Variants in LRFN5 observed in about 807,000 individuals in gnomAD.
LRFN5 encodes the protein leucine-rich repeat and fibronectin type-III domain-containing protein 5.
A neutral mutation model predicts 45.6 loss-of-function variants in LRFN5; 24 were observed. The ratio of observed to expected loss-of-function variants is 0.53; its 90% CI spans 0.38 to 0.74. LRFN5 has a LOEUF of 0.74. LRFN5 is among the 30% of genes least tolerant of loss of function. The probability of loss-of-function intolerance (pLI) is 0.00; values close to 1 mark genes in which losing one functional copy is unlikely to be tolerated. For missense variants in LRFN5, 776 were observed against 861.5 expected, an observed-to-expected ratio of 0.90 and a Z score of 1.24; for synonymous variants, 340 against 313.8, an observed-to-expected ratio of 1.08 and a Z score of -0.88.
At position 41,728,393 on chromosome 14, in the gene LRFN5, T is replaced by A. The variant is rs147678148; in HGVS notation, c.-196-38461T>A. 9.9e-3 allele frequency among the ~76,000 whole-genome samples: 1,504 copies of A among 152,274 alleles called. 8 individuals are homozygous for A. The highest frequency in any genetic ancestry group is 0.015 in the East Asian group (79 of 5,162). ...GTCTGAGCCTCCTATAGATAGATCA[T>A]CTTAATGAGTCCAAAGACTCTCAAG... On this transcript the variant is annotated intron_variant, in intron 1 of 5. Transcript: ENST00000298119.
At chr14:41,776,003 A>G (rs1385869533) in intron 2 of LRFN5, among the ~76,000 whole-genome samples, 1 of 152,188 alleles carries the variant, frequency 6.6e-6, no homozygotes, top group Non-Finnish European at 1.5e-5. Flanking sequence ...GTTATATGCA[A>G]ACACTCCAGT....
intron 1 of LRFN5, among the ~76,000 whole-genome samples, chr14:41,721,245 C>T (rs183965261): frequency 6.6e-6 from 1 of 152,184 alleles, no homozygotes; most frequent in East Asian, 1.9e-4. Flanking sequence ...CAACCCTTTA[C>T]TTTGAACCTA....
rs1890587844 is a variant in LRFN5 at position 41,886,796 on chromosome 14, G to A, written c.171G>A (p.Arg57=). The A allele has an allele frequency of 6.2e-7, 1 of 1,614,100 alleles. No homozygotes were observed. The highest frequency in any genetic ancestry group is 8.5e-7 in the Non-Finnish European group (1 of 1,180,002). ...TTGACAGAAGAACTGTGGAACTGCG[G>A]TTGGCAGACAATTTTGTTACAAATA... ...PNIDRRTVEL[R]LADNFVTNIK... The change falls in exon 3 of 6, where the codon CGG becomes CGA. Residue 57 remains arginine, a synonymous_variant. Coordinates refer to ENST00000298119, the MANE Select transcript of LRFN5 (RefSeq NM_152447.5).
chr14:41,811,943 T>A (rs1887751232), intron 2 of LRFN5, among the ~76,000 whole-genome samples: 1 of 152,136 alleles, frequency 6.6e-6, no homozygotes, highest in Non-Finnish European at 1.5e-5. Context: ...TATATTTCAA[T>A]AAATCTATTT....
chr14:41,893,588 T>C, intron 4 of LRFN5: 2 of 985,322 alleles, frequency 2.0e-6, no homozygotes, highest in Non-Finnish European at 2.4e-6. Context: ...AAGACACAAG[T>C]GAGGAATGTG....
At chr14:41,708,880 T>C (rs1883173387) in intron 1 of LRFN5, among the ~76,000 whole-genome samples, 1 of 152,000 alleles carries the variant, frequency 6.6e-6, no homozygotes, top group South Asian at 2.1e-4. Context: ...GTACATTGTG[T>C]CTGGTTTATC....
At chr14:41,670,496 T>G (rs1881153578) in intron 1 of LRFN5, among the ~76,000 whole-genome samples, 1 of 151,282 alleles carries the variant, frequency 6.6e-6, no homozygotes, top group Admixed American at 6.6e-5. Context: ...GAATGCTTAA[T>G]TAGGAAAATA....
chr14:41,757,222 G>C (rs1427846963), intron 1 of LRFN5, among the ~76,000 whole-genome samples: 1 of 152,192 alleles, frequency 6.6e-6, no homozygotes, highest in Non-Finnish European at 1.5e-5. Flanking sequence ...ACTTGAGGAG[G>C]CAGTCTGTTT....
chr14:41,835,595 A>T (rs1207175657), intron 2 of LRFN5, among the ~76,000 whole-genome samples: 1 of 152,152 alleles, frequency 6.6e-6, no homozygotes, highest in Non-Finnish European at 1.5e-5. Context: ...GCATGGTGGC[A>T]TGCACCCACA....
At chr14:41,661,160 T>C (rs1363285295) in intron 1 of LRFN5, among the ~76,000 whole-genome samples, 2 of 151,810 alleles carry the variant, frequency 1.3e-5, no homozygotes, top group African/African-American at 4.8e-5. Flanking sequence ...GACAACTTGT[T>C]TCTAATCCCT....
chr14:41,670,296 T>C (rs1478916528), intron 1 of LRFN5, among the ~76,000 whole-genome samples: 8 of 52,684 alleles, frequency 1.5e-4, no homozygotes, highest in African/African-American at 6.5e-4. Context: ...TATATATATA[T>C]ATATATATAC....
intron 2 of LRFN5, among the ~76,000 whole-genome samples, chr14:41,850,296 T>C (rs2139073577): frequency 6.6e-6 from 1 of 151,972 alleles, no homozygotes; most frequent in East Asian, 1.9e-4. Flanking sequence ...TAATGAGTGA[T>C]TAATAAAAGT....
At chr14:41,798,814 G>T (rs1423718288) in intron 2 of LRFN5, among the ~76,000 whole-genome samples, 1 of 151,692 alleles carries the variant, frequency 6.6e-6, no homozygotes, top group African/African-American at 2.4e-5. Context: ...CACTTTTCAC[G>T]TAATCACACA....
intron 1 of LRFN5, among the ~76,000 whole-genome samples, chr14:41,719,968 C>T (rs1883648463): frequency 6.6e-6 from 1 of 151,876 alleles, no homozygotes; most frequent in Non-Finnish European, 1.5e-5. Flanking sequence ...TACTGATTTA[C>T]TTAATAATTT....
At chr14:41,726,898 T>C (rs1178045903) in intron 1 of LRFN5, among the ~76,000 whole-genome samples, 7 of 152,216 alleles carry the variant, frequency 4.6e-5, no homozygotes, top group Non-Finnish European at 8.8e-5. Flanking sequence ...AAGGCTGTAA[T>C]TGTATGTATA....
At chr14:41,755,364 G>T (rs1238713742) in intron 1 of LRFN5, among the ~76,000 whole-genome samples, 5 of 152,110 alleles carry the variant, frequency 3.3e-5, no homozygotes, top group Non-Finnish European at 7.4e-5. Context: ...TGACAGTGGG[G>T]TGTTAAAGTC....
rs180904178 is a variant in LRFN5 at position 41,797,089 on chromosome 14, A to G, written c.-21+30060A>G. On this transcript the variant is annotated intron_variant, in intron 2 of 5. Transcript: ENST00000298119. ...TTTTAATCTACCAAATCTTAAATGT[A>G]TATTAATCAACAGTGTCAAATATTT... 8.6e-5 allele frequency among the ~76,000 whole-genome samples: 13 copies of G among 152,032 alleles called. No homozygotes were observed. In the East Asian group the frequency reaches 2.1e-3, roughly 25 times the overall value.
intron 2 of LRFN5, among the ~76,000 whole-genome samples, chr14:41,805,422 A>ATTTATTTAT (rs200137734): frequency 4.2e-5 from 6 of 141,316 alleles, no homozygotes; most frequent in East Asian, 2.3e-4. Context: ...TTATTTATTT[A>ATTTATTTAT]TTATTATTAT....
chr14:41,778,736 G>T (rs1346009779), intron 2 of LRFN5, among the ~76,000 whole-genome samples: 1 of 151,742 alleles, frequency 6.6e-6, no homozygotes, highest in Non-Finnish European at 1.5e-5. Context: ...AAAGCTAAAA[G>T]TTGTATAATG....
Sources: allele counts gnomAD v4.1 joint callset (sites outside exome capture counted in the v4.1 genomes callset), GRCh38; gene constraint gnomAD v4.1.1; transcripts MANE v1.5; gene names NCBI Gene and HGNC (gene_info 2026-07-23, HGNC 2026-07-21).